SCN3A: variants seen among roughly 807,000 people sequenced by gnomAD.
The protein encoded by SCN3A is sodium voltage-gated channel alpha subunit 3.
Under a neutral mutation model 187.6 loss-of-function variants are expected in SCN3A, and 60 were observed. The ratio of observed to expected loss-of-function variants is 0.32; its 90% CI spans 0.26 to 0.40. SCN3A has a LOEUF of 0.40. SCN3A is among the 10% of genes least tolerant of loss of function. The pLI is 1.00. For missense variants in SCN3A, 1,601 were observed against 2,428.2 expected, an observed-to-expected ratio of 0.66 and a Z score of 7.16; for synonymous variants, 788 against 829.2, an observed-to-expected ratio of 0.95 and a Z score of 0.85.
chr2:165,164,538 G>A lies in SCN3A; in HGVS notation c.474-18C>T, dbSNP rs1437983273. 1 of 1,612,890 alleles carries A rather than the reference G, an allele frequency of 6.2e-7. No individual in the cohort carries two copies. Among genetic ancestry groups the A allele is most frequent in the East Asian group, 2.2e-5 (1 of 44,770 alleles). On this transcript the variant is annotated intron_variant, in intron 5 of 27. Coordinates refer to ENST00000283254, the MANE Select transcript of SCN3A (RefSeq NM_006922.4). ...ATGTGTACCTAGGAAAAACATCCAA[G>A]CCAAAATTAACAATTTTGCTTGAAC...
intron 21 of SCN3A, among the ~76,000 whole-genome samples, chr2:165,101,547 TA>T (rs2105664888): frequency 6.6e-6 from 1 of 152,270 alleles, no homozygotes; most frequent in East Asian, 1.9e-4. Flanking sequence ...TTGCATCCAT[TA>T]AAAATGTTTC....
chr2:165,108,784 T>C (rs997475474), intron 21 of SCN3A, among the ~76,000 whole-genome samples: 1 of 151,868 alleles, frequency 6.6e-6, no homozygotes, highest in Non-Finnish European at 1.5e-5. Context: ...GTATATTTTG[T>C]TTTTTAAAAT....
chr2:165,170,295 C>A, intron 4 of SCN3A, 135 bp downstream of exon 4: 1 of 642,102 alleles, frequency 1.6e-6, no homozygotes, highest in Non-Finnish European at 2.9e-6. Context: ...AAAACCAATG[C>A]AAATAAATGA....
At chr2:165,109,882 C>G (rs1306512216) in intron 21 of SCN3A, among the ~76,000 whole-genome samples, 1 of 152,144 alleles carries the variant, frequency 6.6e-6, no homozygotes, top group Non-Finnish European at 1.5e-5. Flanking sequence ...AGTTCGGTTT[C>G]TACCACTCTC....
In SCN3A at chr2:165,113,993, TA is replaced by T. The variant is rs546744830; in HGVS notation, c.3515-24del. 1.9e-4 allele frequency: 266 copies of T among 1,412,494 alleles called. No individual in the cohort carries two copies. In the African/African-American group the frequency reaches 3.4e-3, roughly 18 times the overall value. The allele number at this position is 1,412,494 out of a possible 1,614,324, so 87.5% of individuals were successfully genotyped here. A position where few individuals can be genotyped will look rare whatever the true frequency, so the allele number is the denominator to read the frequency against. On this transcript the variant is annotated intron_variant, in intron 19 of 27. Coordinates refer to ENST00000283254, the MANE Select transcript of SCN3A (RefSeq NM_006922.4). ...ATCCTAAAAATCAAATATAGTTAAT[TA>T]AAAAATATATTTTAATCTTAAATAG...
At chr2:165,194,801 C>G (rs1017773450) in intron 1 of SCN3A, 2 of 151,646 alleles carry the variant, frequency 1.3e-5, no homozygotes, top group Admixed American at 1.3e-4. Flanking sequence ...ATATCTCCCC[C>G]AAAAAGGGCC....
intron 2 of SCN3A, among the ~76,000 whole-genome samples, chr2:165,186,211 G>A (rs1691227177): frequency 1.3e-5 from 2 of 151,864 alleles, no homozygotes; most frequent in African/African-American, 2.4e-5. Context: ...CAGAGCTTGC[G>A]GTGAGCGAAG....
rs1687598388 is a variant in SCN3A at position 165,135,290 on chromosome 2, GTC to G, written c.2391+2587_2391+2588del. 2.0e-5 allele frequency among the ~76,000 whole-genome samples: 3 copies of G among 151,984 alleles called. No individual in the cohort carries two copies. In the South Asian group the frequency reaches 6.2e-4, roughly 31 times the overall value. ...TAGCAAAACTTAATTGAGATTCAAG[GTC>G]TCTTGATACTCAAATTTGATTAATC... On this transcript the variant is annotated intron_variant, in intron 15 of 27. Transcript: ENST00000283254.
chr2:165,150,068 G>C (rs6432810), intron 11 of SCN3A, among the ~76,000 whole-genome samples: 62,011 of 151,934 alleles, frequency 0.41, 12,776 homozygotes, highest in Middle Eastern at 0.51. Context: ...TTTCCTATCA[G>C]AGCAATATAG....
At chr2:165,163,294 G>A (rs1045314361) in intron 7 of SCN3A, among the ~76,000 whole-genome samples, 1 of 152,004 alleles carries the variant, frequency 6.6e-6, no homozygotes, top group Non-Finnish European at 1.5e-5. Flanking sequence ...ATCCATTTTT[G>A]AACTACATCT....
intron 18 of SCN3A, among the ~76,000 whole-genome samples, chr2:165,122,084 A>G (rs955969923): frequency 6.6e-6 from 1 of 152,074 alleles, no homozygotes; most frequent in Non-Finnish European, 1.5e-5. Flanking sequence ...TTAAGTTACA[A>G]TGATCACTAT....
At chr2:165,169,484 C>T (rs1051978545) in intron 4 of SCN3A, among the ~76,000 whole-genome samples, 5 of 151,940 alleles carry the variant, frequency 3.3e-5, no homozygotes, top group African/African-American at 1.2e-4. Flanking sequence ...TAGCACTATT[C>T]TGATGCTCTT....
At position 165,176,419 on chromosome 2, in the gene SCN3A, C is replaced by T. The variant is rs572429584; in HGVS notation, c.-25G>A. Reference sequence around the variant, plus strand: ...TCTTTTCATCCTGCACATTTAATTACGTGTAGCTTCTTGCATACGAATTAC... The same window carrying T: ...TCTTTTCATCCTGCACATTTAATTATGTGTAGCTTCTTGCATACGAATTAC... On this transcript the variant is annotated 5_prime_UTR_variant, in exon 3 of 28. Transcript: ENST00000283254. 2.2e-5 allele frequency: 36 copies of T among 1,613,830 alleles called. No homozygotes were observed. The highest frequency in any genetic ancestry group is 4.5e-5 in the East Asian group (2 of 44,878).
rs751721314 is a variant in SCN3A at position 165,097,462 on chromosome 2, G to T, written c.4029C>A (p.Leu1343=). ...PSIMNVLLVC[L]IFWLIFSIMG... ...TGATGCTAAAGATCAACCAGAAGAT[G>T]AGACAGACCAACAGCACATTCATGA... Residue 1343 remains leucine (L), a synonymous_variant, in exon 23 of 28, where the codon CTC becomes CTA. Coordinates refer to ENST00000283254, the MANE Select transcript of SCN3A (RefSeq NM_006922.4). 29 of 1,613,952 alleles carry T rather than the reference G, an allele frequency of 1.8e-5. No individual in the cohort carries two copies. The highest frequency in any genetic ancestry group is 2.5e-5 in the Non-Finnish European group (29 of 1,179,998).
chr2:165,104,950 A>T (rs1377982860), intron 21 of SCN3A, among the ~76,000 whole-genome samples: 1 of 152,202 alleles, frequency 6.6e-6, no homozygotes, highest in African/African-American at 2.4e-5. Context: ...GTTTTAAAAC[A>T]TTCTGGACTG....
At chr2:165,121,837 C>T (rs975533994) in intron 18 of SCN3A, among the ~76,000 whole-genome samples, 2 of 152,164 alleles carry the variant, frequency 1.3e-5, no homozygotes, top group Admixed American at 6.5e-5. Context: ...CGCCACAAAT[C>T]TACAATAATC....
intron 21 of SCN3A, among the ~76,000 whole-genome samples, chr2:165,110,966 A>G (rs1411753136): frequency 3.9e-5 from 6 of 152,234 alleles, no homozygotes; most frequent in Admixed American, 2.0e-4. Context: ...AGGGGAGTAC[A>G]TAGAAATACT....
intron 2 of SCN3A, among the ~76,000 whole-genome samples, chr2:165,181,258 G>T (rs1003126696): frequency 6.6e-6 from 1 of 152,092 alleles, no homozygotes; most frequent in Non-Finnish European, 1.5e-5. Flanking sequence ...GCCTTTCCAG[G>T]TAACTGTGAA....
At chr2:165,105,159 C>T (rs1347445974) in intron 21 of SCN3A, among the ~76,000 whole-genome samples, 1 of 152,142 alleles carries the variant, frequency 6.6e-6, no homozygotes, top group Non-Finnish European at 1.5e-5. Context: ...GAAAGCTAGA[C>T]ACTCTTGAGT....
Sources: gnomAD v4.1 joint callset for allele counts (sites outside exome capture counted in the v4.1 genomes callset) on GRCh38, gnomAD v4.1.1 for gene constraint, MANE v1.5 for transcripts, NCBI Gene and HGNC (gene_info 2026-07-23, HGNC 2026-07-21) for gene names.